Variants in SPAG9 observed in about 807,000 individuals in gnomAD.
SPAG9 encodes the protein sperm associated antigen 9.
In SPAG9, 35 loss-of-function variants were observed where a neutral mutation model predicts 166.5. The observed-to-expected ratio is 0.21, with a 90% CI of 0.16 to 0.28. The LOEUF (loss-of-function observed/expected upper bound fraction) is 0.28, where lower values mean the gene tolerates loss of function less well. Ranked by LOEUF, SPAG9 falls within the 10% of genes least tolerant of loss-of-function variation. The pLI is 1.00. For synonymous variants in SPAG9, 534 were observed against 565.5 expected (o/e 0.94, Z 0.79); for missense variants, 1,235 against 1,603.3 (o/e 0.77, Z 3.92).
chr17:51,025,035 T>C lies in SPAG9; in HGVS notation c.784-3670A>G, dbSNP rs552284755. Among the ~76,000 whole-genome samples the C allele has an allele frequency of 6.5e-5, 9 of 137,708 alleles. No homozygotes were observed. In the South Asian group the frequency reaches 1.3e-3, roughly 21 times the overall value. The allele number at this position is 137,708 out of a possible 152,430, so 90.3% of individuals were successfully genotyped here. Reference sequence around the variant, plus strand: ...CTTCATCTCAAAAAAAAAAAAAAAATTGGCCAGGTGCAGTGGCTCACGCCT... The same window carrying C: ...CTTCATCTCAAAAAAAAAAAAAAAACTGGCCAGGTGCAGTGGCTCACGCCT... On this transcript the variant is annotated intron_variant, in intron 6 of 29. Coordinates refer to ENST00000262013, the MANE Select transcript of SPAG9 (RefSeq NM_001130528.3).
intron 2 of SPAG9, among the ~76,000 whole-genome samples, chr17:51,066,339 G>T (rs1446468824): frequency 6.6e-6 from 1 of 151,798 alleles, no homozygotes; most frequent in Non-Finnish European, 1.5e-5. Flanking sequence ...TCGATCTCCT[G>T]GTCTCAAGCA....
intron 12 of SPAG9, 54 bp downstream of exon 12, chr17:51,005,158 C>T (rs528917689): frequency 1.2e-5 from 18 of 1,499,746 alleles, no homozygotes; most frequent in African/African-American, 2.8e-5. Context: ...AAGATCTTCC[C>T]GAAACACCAA....
intron 1 of SPAG9, among the ~76,000 whole-genome samples, chr17:51,091,506 TG>T (rs1656131580): frequency 1.4e-4 from 22 of 151,910 alleles, no homozygotes; most frequent in Admixed American, 9.2e-4. Context: ...TTGTTGTTGT[TG>T]TTGTTTGCAT....
chr17:51,010,122 T>C (rs1369725226), intron 9 of SPAG9, among the ~76,000 whole-genome samples: 2 of 152,138 alleles, frequency 1.3e-5, no homozygotes, highest in Admixed American at 1.3e-4. Flanking sequence ...ATTTTAACAC[T>C]GATTCTCAAG....
At chr17:51,106,968 G>A (rs916459878) in intron 1 of SPAG9, among the ~76,000 whole-genome samples, 9 of 151,438 alleles carry the variant, frequency 5.9e-5, no homozygotes, top group Non-Finnish European at 1.3e-4. Flanking sequence ...CAAGCATGGC[G>A]GTGCACGCCT....
At chr17:51,056,208 C>A (rs2047358518) in intron 3 of SPAG9, among the ~76,000 whole-genome samples, 1 of 152,136 alleles carries the variant, frequency 6.6e-6, no homozygotes, top group Admixed American at 6.5e-5. Flanking sequence ...TACTAATTCA[C>A]CCCATGAAAA....
Position 50,998,599 on chromosome 17 carries a change from G to C in SPAG9, c.1683C>G (p.Ser561Arg). 6.2e-7 allele frequency: 1 copy of C among 1,614,036 alleles called. No individual in the cohort carries two copies. Among genetic ancestry groups the C allele is most frequent in the Non-Finnish European group, 8.5e-7 (1 of 1,179,958 alleles). ...SIWQFFSRLF[S>R]SSSNTTKKPE... The stretch of plus-strand genomic sequence containing the variant: ...GCTTCTTAGTCGTGTTACTTGAGGA[G>C]CTGAAAAGTCGGCTGAAACTAAAAG... The change falls in exon 15 of 30, where the codon AGC becomes AGG. Residue 561 changes from serine to arginine, a missense_variant. Physicochemically the swap from Ser to Arg is moderately radical, Grantham distance 110. This residue lies in a region of SPAG9 where 125 missense variants were observed against 194.0 expected (regional missense o/e 0.64). Coordinates refer to ENST00000262013, the MANE Select transcript of SPAG9 (RefSeq NM_001130528.3).
Position 51,041,708 on chromosome 17 carries a change from C to T in SPAG9, c.591-57G>A, listed in dbSNP as rs998012337. The T allele has an allele frequency of 2.0e-5, 31 of 1,545,114 alleles. No homozygotes were observed. In the African/African-American group the frequency reaches 4.0e-4, roughly 20 times the overall value. On this transcript the variant is annotated intron_variant, in intron 4 of 29. Transcript: ENST00000262013. ...TCATTTATTTTGACTTTTTATTTGC[C>T]ATGACTATAAGTAATAAGCCTGGAC...
At chr17:51,039,058 GCTGCTATT>G (rs1200417575) in intron 5 of SPAG9, among the ~76,000 whole-genome samples, 2 of 152,106 alleles carry the variant, frequency 1.3e-5, no homozygotes, top group African/African-American at 4.8e-5. Flanking sequence ...CCCCTTATCT[GCTGCTATT>G]CTGCCACAAA....
chr17:50,970,874 A>C lies in SPAG9; in HGVS notation c.3701-18T>G. On this transcript the variant is annotated intron_variant, in intron 28 of 29. Transcript: ENST00000262013. ...GACTTGACCTGTTTTATACAGAAACAAAAGTGAATATTACTTATCACAGAA... is the reference window on the plus strand; with the variant it reads ...GACTTGACCTGTTTTATACAGAAACCAAAGTGAATATTACTTATCACAGAA... 2 of 1,608,052 alleles carry C rather than the reference A, an allele frequency of 1.2e-6. No individual in the cohort carries two copies. The highest frequency in any genetic ancestry group is 1.7e-6 in the Non-Finnish European group (2 of 1,175,882).
chr17:51,053,854 AGTATATATATATATATATATATAT>A (rs2047265118), intron 3 of SPAG9, among the ~76,000 whole-genome samples: 7 of 34,452 alleles, frequency 2.0e-4, no homozygotes, highest in African/African-American at 6.4e-4. Flanking sequence ...AAAAAAAAAA[AGTATATATATATATATATATATAT>A]ATATATATAT....
chr17:50,975,774 T>A, intron 27 of SPAG9: 1 of 984,930 alleles, frequency 1.0e-6, no homozygotes, highest in Non-Finnish European at 1.5e-6. Flanking sequence ...TTTAGGAACA[T>A]TCAAGAGGGT....
chr17:51,075,014 T>A (rs778727156), intron 2 of SPAG9, among the ~76,000 whole-genome samples: 2 of 151,616 alleles, frequency 1.3e-5, no homozygotes, highest in African/African-American at 4.8e-5. Context: ...CTGGCCAACA[T>A]AGTGAAACCC....
At chr17:51,102,978 T>A (rs2048848429) in intron 1 of SPAG9, among the ~76,000 whole-genome samples, 1 of 152,150 alleles carries the variant, frequency 6.6e-6, no homozygotes, top group East Asian at 1.9e-4. Flanking sequence ...AACATTTAGA[T>A]TTTTTAAATG....
intron 27 of SPAG9, chr17:50,975,786 T>C (rs1974164965): frequency 3.8e-6 from 4 of 1,054,986 alleles, no homozygotes; most frequent in Non-Finnish European, 5.6e-6. Context: ...CAAGAGGGTA[T>C]TCTAGAGGAG....
At position 50,990,556 on chromosome 17, in the gene SPAG9, G is replaced by GCTGT; in HGVS notation, c.2507_2510dup (p.Ser837ArgfsTer25). 1 of 1,614,080 alleles carries GCTGT rather than the reference G, an allele frequency of 6.2e-7. No homozygotes were observed. Among genetic ancestry groups the GCTGT allele is most frequent in the Non-Finnish European group, 8.5e-7 (1 of 1,179,942 alleles). On this transcript the variant is annotated frameshift_variant, in exon 20 of 30. Coordinates refer to ENST00000262013, the MANE Select transcript of SPAG9 (RefSeq NM_001130528.3). LOFTEE classifies it high-confidence loss of function. ...CAACCACTGTGATGCCTCCTAACAG[G>GCTGT]CTGTCTGTCTCTGCTGAGCTGTTGC... is the stretch of plus-strand genomic sequence containing the variant.
chr17:51,007,378 T>C (rs1420512353), intron 9 of SPAG9, 52 bp from the exon 10 acceptor site: 3 of 969,982 alleles, frequency 3.1e-6, no homozygotes, highest in South Asian at 3.1e-5. Context: ...TCAATAATTA[T>C]ATACATTTAA....
intron 12 of SPAG9, among the ~76,000 whole-genome samples, chr17:51,003,916 T>C (rs2045076605): frequency 6.6e-6 from 1 of 152,202 alleles, no homozygotes; most frequent in South Asian, 2.1e-4. Context: ...AACAACAGCA[T>C]TGTAAAAAGC....
intron 29 of SPAG9, among the ~76,000 whole-genome samples, chr17:50,967,876 T>C (rs1252348049): frequency 6.6e-6 from 1 of 152,214 alleles, no homozygotes; most frequent in Non-Finnish European, 1.5e-5. Context: ...GACAAGTCTG[T>C]TTTTCAGGCT....
Sources: allele counts gnomAD v4.1 joint callset (sites outside exome capture counted in the v4.1 genomes callset), GRCh38; gene constraint gnomAD v4.1.1; regional missense constraint gnomAD v4.1.1; transcripts MANE v1.5; gene names NCBI Gene and HGNC (gene_info 2026-07-23, HGNC 2026-07-21).